TUT7: variants seen among roughly 807,000 people sequenced by gnomAD.
The protein encoded by TUT7 is terminal uridylyl transferase 7.
In TUT7, 33 loss-of-function variants were observed where a neutral mutation model predicts 165.9. The ratio of observed to expected loss-of-function variants is 0.20; its 90% CI spans 0.15 to 0.27. The LOEUF (loss-of-function observed/expected upper bound fraction) is 0.27, where lower values mean the gene tolerates loss of function less well. Among genes scored for constraint, TUT7 ranks in the 10% least tolerant of loss-of-function variants. The pLI is 1.00. For missense variants in TUT7, 1,338 were observed against 1,762.3 expected (o/e 0.76, Z 4.31); for synonymous variants, 552 against 608.1 (o/e 0.91, Z 1.36).
intron 15 of TUT7, 94 bp from the exon 16 acceptor site, chr9:86,319,152 G>T: frequency 1.3e-6 from 1 of 763,620 alleles, no homozygotes; most frequent in Admixed American, 2.6e-5. Flanking sequence ...ACACCCAGTT[G>T]TTTAATTATC....
At chr9:86,321,487 C>T (rs879929200) in intron 14 of TUT7, among the ~76,000 whole-genome samples, 17 of 152,028 alleles carry the variant, frequency 1.1e-4, no homozygotes, top group African/African-American at 2.9e-4. Flanking sequence ...CCAGCTCTTT[C>T]GGAGACTCAG....
At chr9:86,353,566 G>A (rs756851995) in intron 1 of TUT7, among the ~76,000 whole-genome samples, 3 of 152,046 alleles carry the variant, frequency 2.0e-5, no homozygotes, top group Non-Finnish European at 4.4e-5. Flanking sequence ...GTAACAAGGC[G>A]TTTCTCTTCA....
intron 17 of TUT7, among the ~76,000 whole-genome samples, chr9:86,312,506 GCC>G (rs1161944452): frequency 5.4e-5 from 8 of 147,630 alleles, no homozygotes; most frequent in Admixed American, 3.4e-4. Context: ...TCAGTCCCCC[GCC>G]CGGCCAGCTG....
Position 86,323,815 on chromosome 9 carries a change from A to C in TUT7, c.1935T>G (p.Asn645Lys), listed in dbSNP as rs745387000. Reference protein sequence around the residue: ...ITKSSLLKPLNAITCISEHSK... With the variant: ...ITKSSLLKPLKAITCISEHSK... ...AATGTTCTGAAATACATGTAATTGC[A>C]TTCAGAGGCTTTAGAAGGCTGGATT... The change falls in exon 13 of 27, where the codon AAT (asparagine) becomes AAG (lysine). Residue 645 changes from asparagine (N) to lysine (K), a missense_variant. Asn to Lys is a moderately conservative substitution (Grantham distance 94). Coordinates refer to ENST00000375963, the MANE Select transcript of TUT7 (RefSeq NM_024617.4). 1.2e-6 allele frequency: 2 copies of C among 1,613,990 alleles called. No individual in the cohort carries two copies. Among genetic ancestry groups the C allele is most frequent in the Admixed American group, 1.7e-5 (1 of 60,002 alleles).
At chr9:86,330,880 CT>C (rs1242427796) in intron 10 of TUT7, among the ~76,000 whole-genome samples, 3,681 of 142,710 alleles carry the variant, frequency 0.026, 141 homozygotes, top group African/African-American at 0.084. Flanking sequence ...TTTTTTCTTT[CT>C]TTTTTTTTTT....
At chr9:86,325,746 G>T (rs987250140) in intron 11 of TUT7, among the ~76,000 whole-genome samples, 10 of 152,136 alleles carry the variant, frequency 6.6e-5, no homozygotes, top group African/African-American at 2.4e-4. Flanking sequence ...CATTATCACA[G>T]GAATAGACAG....
At chr9:86,296,140 T>TTCATA (rs1354052851) in intron 26 of TUT7, among the ~76,000 whole-genome samples, 2 of 152,186 alleles carry the variant, frequency 1.3e-5, no homozygotes, top group African/African-American at 4.8e-5. Flanking sequence ...ATTTATTGAG[T>TTCATA]GATGAGATGT....
chr9:86,301,798 T>C (rs1826934488), intron 25 of TUT7, 197 bp from the exon 26 acceptor site: 5 of 985,432 alleles, frequency 5.1e-6, no homozygotes, highest in Non-Finnish European at 6.0e-6. Context: ...GGGTGCAGTT[T>C]TTCTTCTTCA....
At position 86,311,609 on chromosome 9, in the gene TUT7, G is replaced by A. The variant is rs1052471816; in HGVS notation, c.3275-800C>T. 9.3e-5 allele frequency among the ~76,000 whole-genome samples: 8 copies of A among 85,816 alleles called. No individual in the cohort carries two copies. Among genetic ancestry groups the A allele is most frequent in the African/African-American group, 3.6e-4 (7 of 19,262 alleles). The allele number at this position is 85,816 out of a possible 152,430, so 56.3% of individuals were successfully genotyped here. A position where few individuals can be genotyped will look rare whatever the true frequency, so the allele number is the denominator to read the frequency against. On this transcript the variant is annotated intron_variant, in intron 17 of 26. Coordinates refer to ENST00000375963, the MANE Select transcript of TUT7 (RefSeq NM_024617.4). This position sits in a 1 kb window ranked among gnomAD's most constrained non-coding sequence, Gnocchi z 4.4. ...CCTCTTCCCTCTCCCCTCTCCCCAC[G>A]GTCTCCCTCTCCCTCTCTTTCCACG...
intron 13 of TUT7, 93 bp downstream of exon 13, chr9:86,322,780 A>T: frequency 7.2e-7 from 1 of 1,396,850 alleles, no homozygotes; most frequent in South Asian, 1.5e-5. Flanking sequence ...CACTACCAAA[A>T]TAGGAAAATT....
rs555488738 is a variant in TUT7 at position 86,309,220 on chromosome 9, C to G, written c.3652G>C (p.Asp1218His). Residue 1218 changes from aspartate (D) to histidine (H), a missense_variant, in exon 21 of 27, where the codon GAT (aspartate) becomes CAT (histidine). Asp to His is a moderately conservative substitution (Grantham distance 81, BLOSUM62 -1). Transcript: ENST00000375963. ...ACTCTTAAAATACGTACCAGTTCATCTATTTGATCAAAAAAATAAATATTC... is the reference window on the plus strand; with the variant it reads ...ACTCTTAAAATACGTACCAGTTCATGTATTTGATCAAAAAAATAAATATTC... Reference protein sequence around the residue: ...GWNIYFFDQIDELPTYWSECG... With the variant: ...GWNIYFFDQIHELPTYWSECG... 12 of 1,567,256 alleles carry G rather than the reference C, an allele frequency of 7.7e-6. No individual in the cohort carries two copies. The South Asian group carries it at 1.1e-4, about 15-fold the overall frequency.
intron 17 of TUT7, among the ~76,000 whole-genome samples, chr9:86,312,474 ATCCG>A (rs1564048814): frequency 6.7e-6 from 1 of 149,590 alleles, no homozygotes; most frequent in African/African-American, 2.5e-5. Context: ...CAGCCACCCC[ATCCG>A]GGAGGGAGGT....
At chr9:86,297,440 T>C (rs1274368642) in intron 26 of TUT7, among the ~76,000 whole-genome samples, 1 of 152,230 alleles carries the variant, frequency 6.6e-6, no homozygotes, top group Non-Finnish European at 1.5e-5. Context: ...TTGTAAACAC[T>C]ATGCTACGTT....
At chr9:86,346,219 G>C (rs1223395722) in intron 3 of TUT7, 80 bp downstream of exon 3, 4 of 1,328,460 alleles carry the variant, frequency 3.0e-6, no homozygotes, top group Non-Finnish European at 4.2e-6. Flanking sequence ...TAATTGATCA[G>C]AGCATGCATA....
Position 86,319,024 on chromosome 9 carries a change from AT to A in TUT7, c.3149del (p.Asn1050MetfsTer14), listed in dbSNP as rs771359238. ...TKLSLFGSSK[N>X]GFGFKQSDLD... ...GGTCACTCTGTTTGAACCCAAATCC[AT>A]TTTTGGAGGAGCCAAACAGGCTCAA... is the stretch of plus-strand genomic sequence containing the variant. On this transcript the variant is annotated frameshift_variant, in exon 16 of 27. Coordinates refer to ENST00000375963, the MANE Select transcript of TUT7 (RefSeq NM_024617.4). LOFTEE classifies it high-confidence loss of function. 6.2e-7 allele frequency: 1 copy of A among 1,613,928 alleles called. No individual in the cohort carries two copies.
intron 2 of TUT7, among the ~76,000 whole-genome samples, chr9:86,349,737 C>T (rs1269334770): frequency 2.0e-5 from 3 of 152,042 alleles, no homozygotes; most frequent in Admixed American, 6.5e-5. Context: ...TAATGTTATA[C>T]CGAAGCTTAA....
At chr9:86,293,814 G>A (rs892611240) in intron 26 of TUT7, among the ~76,000 whole-genome samples, 4 of 152,086 alleles carry the variant, frequency 2.6e-5, no homozygotes, top group South Asian at 2.1e-4. Flanking sequence ...GCTTGATCTC[G>A]GCTCACTGCA....
intron 26 of TUT7, among the ~76,000 whole-genome samples, chr9:86,290,734 A>G (rs1453613886): frequency 1.3e-5 from 2 of 151,614 alleles, no homozygotes; most frequent in African/African-American, 2.4e-5. Context: ...GCAGTGGCAC[A>G]CTAGTAGTCC....
intron 21 of TUT7, 26 bp from the exon 22 acceptor site, chr9:86,308,632 A>T: frequency 6.4e-7 from 1 of 1,564,970 alleles, no homozygotes; most frequent in East Asian, 2.3e-5. Flanking sequence ...AACAAGGGAT[A>T]CCATGGTCTT....
Sources: allele counts gnomAD v4.1 joint callset (sites outside exome capture counted in the v4.1 genomes callset), GRCh38; gene constraint gnomAD v4.1.1; non-coding constraint Gnocchi (gnomAD v3.1); transcripts MANE v1.5; gene names NCBI Gene and HGNC (gene_info 2026-07-23, HGNC 2026-07-21).